UGT2B17: variants seen among roughly 807,000 people sequenced by gnomAD.
UGT2B17 encodes UDP glucuronosyltransferase family 2 member B17, also known as UDP-glucuronosyltransferase 2B17.
UGT2B17 carries 21 observed loss-of-function variants against 48.2 expected under a neutral mutation model. That is an observed-to-expected ratio of 0.44 (90% CI 0.31 to 0.63). The LOEUF (loss-of-function observed/expected upper bound fraction) is 0.63, where lower values mean the gene tolerates loss of function less well. Among genes scored for constraint, UGT2B17 ranks in the 20% least tolerant of loss-of-function variants. The pLI, the probability that UGT2B17 is intolerant of heterozygous loss-of-function variation, is 0.08. For synonymous variants in UGT2B17, 146 were observed against 238.4 expected (o/e 0.61, Z 3.57); for missense variants, 402 against 696.1 (o/e 0.58, Z 4.75).
intron 4 of UGT2B17, among the ~76,000 whole-genome samples, chr4:68,553,579 T>G (rs1730952311): frequency 8.0e-6 from 1 of 125,096 alleles, no homozygotes; most frequent in Non-Finnish European, 1.7e-5. Flanking sequence ...CTCTTTGGCT[T>G]CGAGATTACC....
chr4:68,539,545 TTGA>T (rs1334135983), intron 6 of UGT2B17, among the ~76,000 whole-genome samples: 2 of 124,320 alleles, frequency 1.6e-5, no homozygotes, highest in Non-Finnish European at 3.4e-5. Flanking sequence ...GGAAGAATAG[TTGA>T]TGAGAGAAAG....
chr4:68,575,671 A>T (rs1731362055), intron 1 of UGT2B17, among the ~76,000 whole-genome samples: 1 of 126,230 alleles, frequency 7.9e-6, no homozygotes, highest in Non-Finnish European at 1.7e-5. Flanking sequence ...CCAAAATCAG[A>T]GTATCCAGAA....
chr4:68,570,388 T>C (rs1333641232), intron 1 of UGT2B17, among the ~76,000 whole-genome samples: 1 of 127,098 alleles, frequency 7.9e-6, no homozygotes, highest in African/African-American at 2.7e-5. Flanking sequence ...TTCTAAGTTA[T>C]GAGTTGATTT....
At position 68,569,416 on chromosome 4, in the gene UGT2B17, A is replaced by G. The variant is rs1278045908; in HGVS notation, c.-64-868T>C. Among the ~76,000 whole-genome samples, 3 of 125,132 alleles carry G rather than the reference A, an allele frequency of 2.4e-5. 1 individual carries two copies. Among genetic ancestry groups the G allele is most frequent in the Non-Finnish European group, 5.1e-5 (3 of 59,310 alleles). The allele number at this position is 125,132 out of a possible 152,430, so 82.1% of individuals were successfully genotyped here. On this transcript the variant is annotated intron_variant, in intron 1 of 6. Transcript: ENST00000317746. ...TGAAGCTGAGTCAAATTAGAGAACC[A>G]AGCCAAGCAAAATATAGGGGTAGAG... is the stretch of plus-strand genomic sequence containing the variant.
rs1730945166 is a variant in UGT2B17, at chr4:68,553,129, A to T, written c.1006-1218T>A. Among the ~76,000 whole-genome samples, 2 of 124,592 alleles carry T rather than the reference A, an allele frequency of 1.6e-5. 1 individual carries two copies. Among genetic ancestry groups the T allele is most frequent in the South Asian group, 7.6e-4 (2 of 2,640 alleles). 81.7% of individuals were successfully genotyped at this position (124,592 alleles called of 152,430 possible). A position where few individuals can be genotyped will look rare whatever the true frequency, so the allele number is the denominator to read the frequency against. ...GCTTAATGATCACATTTTTGGGAGT[A>T]TTTTTTTTGTACATTCCAGTATTTC... On this transcript the variant is annotated intron_variant, in intron 4 of 6. Coordinates refer to ENST00000317746, the MANE Select transcript of UGT2B17 (RefSeq NM_001077.4).
intron 3 of UGT2B17, among the ~76,000 whole-genome samples, chr4:68,564,288 A>AT (rs1387074234): frequency 2.3e-5 from 2 of 87,416 alleles, no homozygotes; most frequent in African/African-American, 1.3e-4. Flanking sequence ...ATATATATAT[A>AT]TATATATTTT....
intron 6 of UGT2B17, among the ~76,000 whole-genome samples, chr4:68,542,207 A>T (rs886914649): frequency 7.9e-6 from 1 of 126,082 alleles, no homozygotes; most frequent in Non-Finnish European, 1.7e-5. Context: ...TCTGAGGCGT[A>T]TGTTCTGTTC....
At chr4:68,575,609 G>A (rs773906982) in intron 1 of UGT2B17, among the ~76,000 whole-genome samples, 1 of 125,430 alleles carries the variant, frequency 8.0e-6, no homozygotes, top group South Asian at 3.5e-4. Context: ...AACAAAGAAC[G>A]GGTAAAAGGG....
Position 68,539,871 on chromosome 4 carries a change from G to A in UGT2B17, c.1314-1967C>T, listed in dbSNP as rs530684135. Reference sequence around the variant, plus strand: ...GCGATCTTGGCTGACTGCAACTTACGTCTCCTGGGTTCAAGTGATTCTCAT... The same window carrying A: ...GCGATCTTGGCTGACTGCAACTTACATCTCCTGGGTTCAAGTGATTCTCAT... On this transcript the variant is annotated intron_variant, in intron 6 of 6. Coordinates refer to ENST00000317746, the MANE Select transcript of UGT2B17 (RefSeq NM_001077.4). Among the ~76,000 whole-genome samples the A allele has an allele frequency of 1.7e-4, 19 of 111,594 alleles. 5 individuals are homozygous for A. The South Asian group carries it at 8.5e-3, about 50-fold the overall frequency. The allele number at this position is 111,594 out of a possible 152,430, so 73.2% of individuals were successfully genotyped here.
intron 6 of UGT2B17, among the ~76,000 whole-genome samples, chr4:68,538,547 A>G (rs1730598085): frequency 1.6e-5 from 2 of 125,874 alleles, no homozygotes; most frequent in African/African-American, 2.7e-5. Context: ...CCATTTTGAC[A>G]TATTTAAAGA....
At position 68,554,338 on chromosome 4, in the gene UGT2B17, G is replaced by C. The variant is rs1730965528; in HGVS notation, c.1006-2427C>G. ...ATTTATGACACCTCTACTTGGCAGA[G>C]TTTATGTAAAATGAAGGTAATACGG... is the stretch of plus-strand genomic sequence containing the variant. On this transcript the variant is annotated intron_variant, in intron 4 of 6. Transcript: ENST00000317746. 1.6e-5 allele frequency among the ~76,000 whole-genome samples: 2 copies of C among 126,584 alleles called. 1 individual carries two copies. The highest frequency in any genetic ancestry group is 3.4e-5 in the Non-Finnish European group (2 of 59,634). 83.0% of individuals were successfully genotyped at this position (126,584 alleles called of 152,430 possible). A position where few individuals can be genotyped will look rare whatever the true frequency, so the allele number is the denominator to read the frequency against.
In UGT2B17 at chr4:68,538,995, G is replaced by A. The variant is rs532494178; in HGVS notation, c.1314-1091C>T. ...ATACCTCTTAGAGAGTGTTTTCCTG[G>A]CCACACTATAGGCACCCATAGGATT... On this transcript the variant is annotated intron_variant, in intron 6 of 6. Coordinates refer to ENST00000317746, the MANE Select transcript of UGT2B17 (RefSeq NM_001077.4). 4.7e-4 allele frequency among the ~76,000 whole-genome samples: 59 copies of A among 125,424 alleles called. 16 individuals carry two copies. The highest frequency in any genetic ancestry group is 7.1e-4 in the Non-Finnish European group (42 of 59,452). The allele number at this position is 125,424 out of a possible 152,430, so 82.3% of individuals were successfully genotyped here. A position where few individuals can be genotyped will look rare whatever the true frequency, so the allele number is the denominator to read the frequency against.
Position 68,574,948 on chromosome 4 carries a change from C to T in UGT2B17, c.-65+1003G>A, listed in dbSNP as rs1731348735. ...CTTTTTACATAAATTTTACCTCCTC[C>T]CCCCCCTTTTTTTTTTGAAGATAAC... On this transcript the variant is annotated intron_variant, in intron 1 of 6. Transcript: ENST00000317746. 8.9e-5 allele frequency among the ~76,000 whole-genome samples: 6 copies of T among 67,058 alleles called. 2 individuals carry two copies. The highest frequency in any genetic ancestry group is 6.9e-4 in the Admixed American group (5 of 7,278). 44.0% of individuals were successfully genotyped at this position (67,058 alleles called of 152,430 possible). A position where few individuals can be genotyped will look rare whatever the true frequency, so the allele number is the denominator to read the frequency against.
chr4:68,556,393 T>C (rs1188422384), intron 4 of UGT2B17, among the ~76,000 whole-genome samples: 1 of 125,086 alleles, frequency 8.0e-6, no homozygotes, highest in Non-Finnish European at 1.7e-5. Flanking sequence ...GTAAGTTTTT[T>C]CCTCAAGTTC....
chr4:68,572,012 G>T (rs62317008), intron 1 of UGT2B17, among the ~76,000 whole-genome samples: 50,498 of 123,582 alleles, frequency 0.41, 18,457 homozygotes, highest in East Asian at 0.62. Context: ...ATTCTAAAAG[G>T]TTGTAGCTCC....
At chr4:68,564,030 T>C (rs1731149304) in intron 3 of UGT2B17, among the ~76,000 whole-genome samples, 1 of 124,510 alleles carries the variant, frequency 8.0e-6, no homozygotes, top group Admixed American at 8.4e-5. Flanking sequence ...GTTTTATCTG[T>C]GGTAACTACT....
intron 4 of UGT2B17, 95 bp from the exon 5 acceptor site, chr4:68,552,006 A>C (rs1730924508): frequency 2.3e-6 from 2 of 866,380 alleles, no homozygotes; most frequent in Non-Finnish European, 3.1e-6. Context: ...GTTAATCCAT[A>C]TAAAAGATGA....
chr4:68,550,368 TATC>T lies in UGT2B17; in HGVS notation c.1313+306_1313+308del, dbSNP rs1222961817. Among the ~76,000 whole-genome samples the T allele has an allele frequency of 3.2e-5, 4 of 125,938 alleles. 1 individual carries two copies. The highest frequency in any genetic ancestry group is 6.7e-5 in the Non-Finnish European group (4 of 59,518). 82.6% of individuals were successfully genotyped at this position (125,938 alleles called of 152,430 possible). A position where few individuals can be genotyped will look rare whatever the true frequency, so the allele number is the denominator to read the frequency against. On this transcript the variant is annotated intron_variant, in intron 6 of 6. Coordinates refer to ENST00000317746, the MANE Select transcript of UGT2B17 (RefSeq NM_001077.4). Reference sequence around the variant, plus strand: ...TTTTAGGTATTGAATTGAAATATTTTATCATATTTCTCTAGTTACATAATTTCT... The same window carrying T: ...TTTTAGGTATTGAATTGAAATATTTTATATTTCTCTAGTTACATAATTTCT...
intron 6 of UGT2B17, among the ~76,000 whole-genome samples, chr4:68,547,981 C>T (rs1353712708): frequency 7.9e-6 from 1 of 126,376 alleles, no homozygotes; most frequent in Non-Finnish European, 1.7e-5. Flanking sequence ...GTTGGTGGGA[C>T]TGTAAACTAG....
Sources: allele counts gnomAD v4.1 joint callset (sites outside exome capture counted in the v4.1 genomes callset), GRCh38; gene constraint gnomAD v4.1.1; transcripts MANE v1.5; gene names NCBI Gene and HGNC (gene_info 2026-07-23, HGNC 2026-07-21).